Variants in MYO5C observed in about 807,000 individuals in gnomAD.
MYO5C encodes the protein unconventional myosin-Vc.
A neutral mutation model predicts 235.7 loss-of-function variants in MYO5C; 194 were observed. The observed-to-expected ratio is 0.82, with a 90% CI of 0.73 to 0.93. MYO5C has a LOEUF of 0.93. Among genes scored for constraint, MYO5C ranks in the 40% least tolerant of loss-of-function variants. The pLI is 0.00. For missense variants in MYO5C, 2,038 were observed against 2,127.2 expected (o/e 0.96, Z 0.82); for synonymous variants, 707 against 754.8 (o/e 0.94, Z 1.04).
At chr15:52,261,357 C>T (rs1342846817) in intron 9 of MYO5C, among the ~76,000 whole-genome samples, 2 of 152,222 alleles carry the variant, frequency 1.3e-5, no homozygotes, top group African/African-American at 4.8e-5. Context: ...TGCAGCAATG[C>T]CAGGGAGTCC....
chr15:52,280,556 C>T (rs2037144982), intron 2 of MYO5C, among the ~76,000 whole-genome samples: 1 of 152,214 alleles, frequency 6.6e-6, no homozygotes, highest in African/African-American at 2.4e-5. Context: ...GGTTACCCAG[C>T]ATGCTTGTTT....
chr15:52,236,150 G>A (rs1344455983), intron 22 of MYO5C, among the ~76,000 whole-genome samples: 1 of 152,252 alleles, frequency 6.6e-6, no homozygotes, highest in Admixed American at 6.5e-5. Context: ...CTTTGCAACT[G>A]TTATGACTCA....
At chr15:52,268,589 G>T (rs1292483039) in intron 8 of MYO5C, among the ~76,000 whole-genome samples, 3 of 152,102 alleles carry the variant, frequency 2.0e-5, no homozygotes, top group Non-Finnish European at 4.4e-5. Flanking sequence ...AGAAATGGCC[G>T]ATGGCCTCAC....
chr15:52,195,343 G>A (rs2141252575), intron 40 of MYO5C, 34 bp downstream of exon 40: 1 of 1,425,810 alleles, frequency 7.0e-7, no homozygotes, highest in Non-Finnish European at 9.8e-7. Context: ...TAGTTAGGAA[G>A]TAAAATTAAA....
rs566519398 is a variant in MYO5C, at chr15:52,247,692, T to G, written c.1747-100A>C. ...GGTGACAACAACTCAGCTAAACTAG[T>G]GGGCGGTGAACAACCTCACCAACAT... On this transcript the variant is annotated intron_variant, in intron 14 of 40. Transcript: ENST00000261839. 46 of 1,349,002 alleles carry G rather than the reference T, an allele frequency of 3.4e-5. No individual in the cohort carries two copies. In the African/African-American group the frequency reaches 6.3e-4, roughly 19 times the overall value. The allele number at this position is 1,349,002 out of a possible 1,614,324, so 83.6% of individuals were successfully genotyped here. A position where few individuals can be genotyped will look rare whatever the true frequency, so the allele number is the denominator to read the frequency against.
At chr15:52,289,198 A>G (rs1487286470) in intron 1 of MYO5C, among the ~76,000 whole-genome samples, 4 of 113,190 alleles carry the variant, frequency 3.5e-5, no homozygotes, top group Non-Finnish European at 5.4e-5. Context: ...ACTGCCCCCC[A>G]TGTCCGTGTC....
Position 52,272,735 on chromosome 15 carries a change from A to T in MYO5C, c.607-12T>A, listed in dbSNP as rs372459945. 11 of 1,609,246 alleles carry T rather than the reference A, an allele frequency of 6.8e-6. No individual in the cohort carries two copies. The African/African-American group carries it at 1.3e-4, about 20-fold the overall frequency. On this transcript the variant is annotated splice_polypyrimidine_tract_variant and intron_variant, in intron 5 of 40. Transcript: ENST00000261839. Reference sequence around the variant, plus strand: ...GCATTTCCAACGGCCTAAAAAAAATAAGACTCTATTGAAATAACAACATTA... The same window carrying T: ...GCATTTCCAACGGCCTAAAAAAAATTAGACTCTATTGAAATAACAACATTA...
intron 23 of MYO5C, among the ~76,000 whole-genome samples, chr15:52,233,809 C>T (rs775948446): frequency 6.6e-6 from 1 of 152,238 alleles, no homozygotes; most frequent in Non-Finnish European, 1.5e-5. Flanking sequence ...ATGGTGATGT[C>T]CCTATTTGCA....
intron 2 of MYO5C, among the ~76,000 whole-genome samples, chr15:52,280,107 A>G (rs929702431): frequency 1.3e-5 from 2 of 152,254 alleles, no homozygotes; most frequent in Non-Finnish European, 2.9e-5. Flanking sequence ...AAGATGCTGC[A>G]GCTAAAATGA....
intron 32 of MYO5C, among the ~76,000 whole-genome samples, 185 bp downstream of exon 32, chr15:52,218,334 G>GT (rs1361814208): frequency 6.6e-6 from 1 of 152,140 alleles, no homozygotes; most frequent in Non-Finnish European, 1.5e-5. Flanking sequence ...GGGCCTGTAA[G>GT]TCCCCAAGGC....
chr15:52,242,236 T>C, intron 19 of MYO5C, 23 bp from the exon 20 acceptor site: 1 of 1,600,156 alleles, frequency 6.2e-7, no homozygotes, highest in Non-Finnish European at 8.5e-7. Context: ...GGATGAAGAG[T>C]GAGTCTGTTA....
rs201424339 is a variant in MYO5C at position 52,230,746 on chromosome 15, G to GT, written c.3027-1434dup. On this transcript the variant is annotated intron_variant, in intron 24 of 40. Coordinates refer to ENST00000261839, the MANE Select transcript of MYO5C (RefSeq NM_018728.4). ...AGATATTAACGAACTTTGTTTCCAGGTTTTTTAAAAAAAAACTGCAGTGCT... is the reference window on the plus strand; with the variant it reads ...AGATATTAACGAACTTTGTTTCCAGGTTTTTTTAAAAAAAAACTGCAGTGCT... Among the ~76,000 whole-genome samples, 473 of 137,924 alleles carry GT rather than the reference G, an allele frequency of 3.4e-3. 1 individual carries two copies. The highest frequency in any genetic ancestry group is 0.013 in the African/African-American group (454 of 33,634). 90.5% of individuals were successfully genotyped at this position (137,924 alleles called of 152,430 possible).
intron 11 of MYO5C, among the ~76,000 whole-genome samples, chr15:52,254,426 C>T (rs905527087): frequency 2.6e-5 from 4 of 152,092 alleles, no homozygotes; most frequent in Admixed American, 2.6e-4. Context: ...CAGAAAGTCA[C>T]GTGGAGGGTA....
At chr15:52,293,171 C>T (rs1405613307) in intron 1 of MYO5C, among the ~76,000 whole-genome samples, 1 of 152,180 alleles carries the variant, frequency 6.6e-6, no homozygotes, top group Non-Finnish European at 1.5e-5. Flanking sequence ...GCGATTGCTC[C>T]CCTCACCAAG....
chr15:52,217,425 G>A (rs187499776), intron 32 of MYO5C, among the ~76,000 whole-genome samples: 116 of 152,288 alleles, frequency 7.6e-4, no homozygotes, highest in African/African-American at 2.5e-3. Flanking sequence ...GATGACATGC[G>A]CAGCACACAC....
chr15:52,285,373 G>GAAAA (rs146144623), intron 1 of MYO5C, among the ~76,000 whole-genome samples: 1 of 145,854 alleles, frequency 6.9e-6, no homozygotes, highest in Non-Finnish European at 1.5e-5. Context: ...TGTCTCAAAT[G>GAAAA]AAAAAAAAAC....
chr15:52,209,048 G>A (rs554620319), intron 35 of MYO5C, among the ~76,000 whole-genome samples: 1 of 152,164 alleles, frequency 6.6e-6, no homozygotes, highest in South Asian at 2.1e-4. Context: ...AGAGCAGCCA[G>A]GGAAACCTCA....
chr15:52,278,131 T>C (rs1485430829), intron 4 of MYO5C: 3 of 355,582 alleles, frequency 8.4e-6, no homozygotes, highest in Non-Finnish European at 1.1e-5. Context: ...TAAAGGCAGC[T>C]ACAAAGATAG....
intron 37 of MYO5C, 178 bp from the exon 38 acceptor site, chr15:52,205,325 A>T (rs558816938): frequency 1.5e-6 from 1 of 687,050 alleles, no homozygotes; most frequent in Admixed American, 3.0e-5. Flanking sequence ...TGTCAGGGTT[A>T]GGGATGGACG....
Sources: allele counts gnomAD v4.1 joint callset (sites outside exome capture counted in the v4.1 genomes callset), GRCh38; gene constraint gnomAD v4.1.1; transcripts MANE v1.5; gene names NCBI Gene and HGNC (gene_info 2026-07-23, HGNC 2026-07-21).